PARD3B: variants seen among roughly 807,000 people sequenced by gnomAD.
The protein encoded by PARD3B is par-3 family cell polarity regulator beta, also known as partitioning defective 3 homolog B.
PARD3B carries 103 observed loss-of-function variants against 130.2 expected under a neutral mutation model. That is an observed-to-expected ratio of 0.79 (90% CI 0.67 to 0.93). PARD3B has a LOEUF of 0.93. Ranked by LOEUF, PARD3B falls within the 40% of genes least tolerant of loss-of-function variation. PARD3B has a pLI of 0.00. For missense variants in PARD3B, 1,609 were observed against 1,499.2 expected (o/e 1.07, Z -1.21); for synonymous variants, 583 against 553.2 (o/e 1.05, Z -0.76).
Position 205,418,913 on chromosome 2 carries a change from A to G in PARD3B, c.2741+17790A>G, listed in dbSNP as rs540221165. Among the ~76,000 whole-genome samples, 5 of 152,316 alleles carry G rather than the reference A, an allele frequency of 3.3e-5. No homozygotes were observed. In the East Asian group the frequency reaches 9.6e-4, roughly 29 times the overall value. On this transcript the variant is annotated intron_variant, in intron 19 of 22. Transcript: ENST00000406610. Reference sequence around the variant, plus strand: ...TTGGGTCATAAATTTATATTACTGAATATTCTGCAGATACATACAAAATTT... The same window carrying G: ...TTGGGTCATAAATTTATATTACTGAGTATTCTGCAGATACATACAAAATTT...
chr2:205,380,474 T>C lies in PARD3B; in HGVS notation c.2631-20539T>C, dbSNP rs1574860192. ...ATATATATAATATATAAAGAATATA[T>C]ATTATATATAATATATAAAGAATAT... On this transcript the variant is annotated intron_variant, in intron 18 of 22. Transcript: ENST00000406610. 1.2e-4 allele frequency among the ~76,000 whole-genome samples: 6 copies of C among 50,988 alleles called. No homozygotes were observed. In the Admixed American group the frequency reaches 2.0e-3, roughly 17 times the overall value. 33.5% of individuals were successfully genotyped at this position (50,988 alleles called of 152,430 possible).
At position 205,460,364 on chromosome 2, in the gene PARD3B, G is replaced by A. The variant is rs2048408925; in HGVS notation, c.3044+19692G>A. Reference sequence around the variant, plus strand: ...GTTTCAGGATCTAGAAACACAATATGAGGATTATCAAGACTAAGGATGTTG... The same window carrying A: ...GTTTCAGGATCTAGAAACACAATATAAGGATTATCAAGACTAAGGATGTTG... On this transcript the variant is annotated intron_variant, in intron 20 of 22. Transcript: ENST00000406610. The surrounding 1 kb of genome is among the most constrained non-coding windows in gnomAD (Gnocchi z 4.9). 6.6e-6 allele frequency among the ~76,000 whole-genome samples: 1 copy of A among 151,516 alleles called. No homozygotes were observed. The highest frequency in any genetic ancestry group is 1.5e-5 in the Non-Finnish European group (1 of 67,948).
chr2:205,528,368 T>A (rs1187237632), intron 21 of PARD3B, among the ~76,000 whole-genome samples: 1 of 152,232 alleles, frequency 6.6e-6, no homozygotes, highest in Non-Finnish European at 1.5e-5. Context: ...GTTTGAATTC[T>A]TGATGGCCCA....
chr2:205,349,385 T>C (rs1398230819), intron 18 of PARD3B, among the ~76,000 whole-genome samples: 1 of 152,192 alleles, frequency 6.6e-6, no homozygotes, highest in Non-Finnish European at 1.5e-5. Flanking sequence ...TTGTTTATCC[T>C]GCCTCTCCAA....
chr2:204,674,070 A>G (rs1295520269), intron 1 of PARD3B, among the ~76,000 whole-genome samples: 1 of 152,136 alleles, frequency 6.6e-6, no homozygotes, highest in Non-Finnish European at 1.5e-5. Flanking sequence ...CATTGTCTTC[A>G]TTTGTATGAC....
chr2:204,830,186 A>G (rs916778863), intron 2 of PARD3B, among the ~76,000 whole-genome samples: 9 of 151,882 alleles, frequency 5.9e-5, no homozygotes, highest in Admixed American at 6.5e-5. Flanking sequence ...TTTTTTCTTT[A>G]TAAATTACCC....
At chr2:205,413,554 T>C (rs2046672748) in intron 19 of PARD3B, among the ~76,000 whole-genome samples, 1 of 152,222 alleles carries the variant, frequency 6.6e-6, no homozygotes, top group Non-Finnish European at 1.5e-5. Context: ...CAGAATAGGC[T>C]AAATCAATGG....
At chr2:204,647,851 G>C (rs1003819878) in intron 1 of PARD3B, among the ~76,000 whole-genome samples, 1 of 151,626 alleles carries the variant, frequency 6.6e-6, no homozygotes, top group Non-Finnish European at 1.5e-5. Flanking sequence ...CAGAACATCT[G>C]TTACTTAAAG....
chr2:205,501,033 C>T (rs1385480645), intron 21 of PARD3B, among the ~76,000 whole-genome samples: 4 of 152,100 alleles, frequency 2.6e-5, no homozygotes, highest in Admixed American at 2.0e-4. Flanking sequence ...GGTTTATGCT[C>T]ATAAGGTCAG....
chr2:205,035,716 C>G (rs1697769803), intron 3 of PARD3B, among the ~76,000 whole-genome samples: 1 of 147,804 alleles, frequency 6.8e-6, no homozygotes, highest in Non-Finnish European at 1.5e-5. Context: ...TTGTGAGCCA[C>G]ATAAAAATAG....
intron 16 of PARD3B, among the ~76,000 whole-genome samples, chr2:205,275,491 T>C (rs2040905422): frequency 6.6e-6 from 1 of 152,118 alleles, no homozygotes; most frequent in Non-Finnish European, 1.5e-5. Flanking sequence ...GTCTTTATTG[T>C]TTTTAATTCT....
At chr2:205,597,151 C>T (rs747449025) in intron 22 of PARD3B, among the ~76,000 whole-genome samples, 1 of 151,920 alleles carries the variant, frequency 6.6e-6, no homozygotes, top group African/African-American at 2.4e-5. Context: ...TTCCAAATAG[C>T]GAGCATAAAT....
chr2:204,937,148 A>G (rs1410720435), intron 2 of PARD3B, among the ~76,000 whole-genome samples: 2 of 152,254 alleles, frequency 1.3e-5, no homozygotes, highest in Non-Finnish European at 1.5e-5. Flanking sequence ...GGATGATGCC[A>G]GGACCAGGGT....
At chr2:205,411,232 T>TTAGA (rs919965196) in intron 19 of PARD3B, among the ~76,000 whole-genome samples, 25 of 152,252 alleles carry the variant, frequency 1.6e-4, no homozygotes, top group African/African-American at 2.2e-4. Flanking sequence ...AAACCATATT[T>TTAGA]TAGATAGATA....
intron 3 of PARD3B, among the ~76,000 whole-genome samples, chr2:204,970,191 G>C (rs557382711): frequency 9.2e-5 from 14 of 152,258 alleles, no homozygotes; most frequent in Admixed American, 2.6e-4. Context: ...TGTTCCATAA[G>C]AGGCTTTTTG....
intron 19 of PARD3B, among the ~76,000 whole-genome samples, chr2:205,424,891 G>T (rs781680787): frequency 6.6e-6 from 1 of 152,018 alleles, no homozygotes; most frequent in Non-Finnish European, 1.5e-5. Context: ...TTTCTGCTTT[G>T]GTCTGTGCTA....
At position 204,953,106 on chromosome 2, in the gene PARD3B, G is replaced by A. The variant is rs146028247; in HGVS notation, c.223-12046G>A. On this transcript the variant is annotated intron_variant, in intron 2 of 22. Coordinates refer to ENST00000406610, the MANE Select transcript of PARD3B (RefSeq NM_001302769.2). The stretch of plus-strand genomic sequence containing the variant: ...GAGAGAGACAGAGTCAATGTCACTA[G>A]TAATAATTGAAGTTTAAACAGCATA... Among the ~76,000 whole-genome samples the A allele has an allele frequency of 5.0e-3, 736 of 148,400 alleles. 5 individuals carry two copies. The highest frequency in any genetic ancestry group is 0.017 in the African/African-American group (701 of 40,280).
At chr2:204,984,024 A>G (rs530252817) in intron 3 of PARD3B, among the ~76,000 whole-genome samples, 3 of 152,140 alleles carry the variant, frequency 2.0e-5, no homozygotes, top group Non-Finnish European at 2.9e-5. Flanking sequence ...TCTCCTGTTC[A>G]TCTGTTTTAT....
rs1276161179 is a variant in PARD3B, at chr2:205,150,247, GTGTGTGCA to G, written c.1435-8474_1435-8467del. On this transcript the variant is annotated intron_variant, in intron 10 of 22. Transcript: ENST00000406610. Reference sequence around the variant, plus strand: ...TGTGTGTGTGTGTGTGTGTGTGTGTGTGTGTGCACACACGCTTGAAATCTGTGAGTGGA... The same window carrying G: ...TGTGTGTGTGTGTGTGTGTGTGTGTGCACACGCTTGAAATCTGTGAGTGGA... Among the ~76,000 whole-genome samples the G allele has an allele frequency of 2.2e-4, 29 of 132,792 alleles. 1 individual carries two copies. The highest frequency in any genetic ancestry group is 1.5e-3 in the East Asian group (7 of 4,590). 87.1% of individuals were successfully genotyped at this position (132,792 alleles called of 152,430 possible). A position where few individuals can be genotyped will look rare whatever the true frequency, so the allele number is the denominator to read the frequency against.
Sources: gnomAD v4.1 joint callset for allele counts (sites outside exome capture counted in the v4.1 genomes callset) on GRCh38, gnomAD v4.1.1 for gene constraint, Gnocchi (gnomAD v3.1) non-coding constraint, MANE v1.5 for transcripts, NCBI Gene and HGNC (gene_info 2026-07-23, HGNC 2026-07-21) for gene names.